NEGR1: variants seen among roughly 807,000 people sequenced by gnomAD.
The protein encoded by NEGR1 is neuronal growth regulator 1.
A neutral mutation model predicts 40.9 loss-of-function variants in NEGR1; 10 were observed. The observed-to-expected ratio is 0.24, with a 90% confidence interval of 0.15 to 0.42. The LOEUF (loss-of-function observed/expected upper bound fraction) is 0.42, where lower values mean the gene tolerates loss of function less well. NEGR1 is among the 10% of genes least tolerant of loss of function. NEGR1 has a pLI of 1.00. For synonymous variants in NEGR1, 185 were observed against 166.8 expected, an observed-to-expected ratio of 1.11 and a Z score of -0.84; for missense variants, 352 against 438.9, an observed-to-expected ratio of 0.80 and a Z score of 1.77.
At chr1:71,700,402 CACTAA>C (rs1299480070) in intron 3 of NEGR1, among the ~76,000 whole-genome samples, 1 of 151,926 alleles carries the variant, frequency 6.6e-6, no homozygotes, top group African/African-American at 2.4e-5. Flanking sequence ...TTACTTAGCT[CACTAA>C]ACTAAATTAA....
rs1473650298 is a variant in NEGR1, at chr1:71,402,696, T to A, written c.*4750A>T. 2.0e-5 allele frequency: 3 copies of A among 152,258 alleles called. No individual in the cohort carries two copies. Among genetic ancestry groups the A allele is most frequent in the Middle Eastern group, 3.4e-3 (1 of 294 alleles). 9.4% of individuals were successfully genotyped at this position (152,258 alleles called of 1,614,324 possible). On this transcript the variant is annotated 3_prime_UTR_variant, in exon 7 of 7. Coordinates refer to ENST00000357731, the MANE Select transcript of NEGR1 (RefSeq NM_173808.3). ...TTCCACTAACTTGAATGAATTACCT[T>A]GGAAAATTATCTCTACAAATTCTTA...
At chr1:71,452,805 C>CA (rs1372182056) in intron 6 of NEGR1, among the ~76,000 whole-genome samples, 1 of 22,734 alleles carries the variant, frequency 4.4e-5, no homozygotes, top group African/African-American at 7.4e-5. Flanking sequence ...AACAAAGAAA[C>CA]AAAAAAAAAC....
intron 6 of NEGR1, among the ~76,000 whole-genome samples, chr1:71,515,641 C>G (rs1440159292): frequency 1.1e-5 from 1 of 94,938 alleles, no homozygotes; most frequent in Non-Finnish European, 2.0e-5. Flanking sequence ...TAAAGACCAT[C>G]CAGACTAGGA....
intron 1 of NEGR1, among the ~76,000 whole-genome samples, chr1:72,201,741 T>C (rs1653220367): frequency 6.6e-6 from 1 of 151,890 alleles, no homozygotes; most frequent in Admixed American, 6.6e-5. Context: ...AGATGTCCTA[T>C]TTCATGTCTA....
intron 3 of NEGR1, among the ~76,000 whole-genome samples, chr1:71,744,756 T>G (rs540203623): frequency 6.6e-6 from 1 of 152,294 alleles, no homozygotes; most frequent in African/African-American, 2.4e-5. Flanking sequence ...AAGAAAAAAT[T>G]TCATCAATGC....
chr1:71,611,183 A>C (rs972008737), intron 4 of NEGR1, 37 bp from the exon 5 acceptor site: 1 of 1,582,154 alleles, frequency 6.3e-7, no homozygotes, highest in Admixed American at 1.7e-5. Flanking sequence ...CTAGTAGATA[A>C]GTAAAAATAA....
intron 2 of NEGR1, among the ~76,000 whole-genome samples, chr1:71,819,622 C>A (rs1158853896): frequency 6.6e-6 from 1 of 151,876 alleles, no homozygotes; most frequent in African/African-American, 2.4e-5. Context: ...AAAAGAGAAT[C>A]ATCTTGGGAA....
intron 5 of NEGR1, among the ~76,000 whole-genome samples, chr1:71,595,784 A>C (rs945456402): frequency 6.2e-4 from 94 of 152,134 alleles, no homozygotes; most frequent in Non-Finnish European, 1.1e-3. Flanking sequence ...TCTACCCTTA[A>C]TTACTGGATA....
chr1:71,396,028 A>T lies in NEGR1; in HGVS notation c.*11418T>A, dbSNP rs1354270900. The T allele has an allele frequency of 6.6e-6, 1 of 152,158 alleles. No individual in the cohort carries two copies. Among genetic ancestry groups the T allele is most frequent in the Non-Finnish European group, 1.5e-5 (1 of 68,030 alleles). 9.4% of individuals were successfully genotyped at this position (152,158 alleles called of 1,614,324 possible). A position where few individuals can be genotyped will look rare whatever the true frequency, so the allele number is the denominator to read the frequency against. On this transcript the variant is annotated 3_prime_UTR_variant, in exon 7 of 7. Coordinates refer to ENST00000357731, the MANE Select transcript of NEGR1 (RefSeq NM_173808.3). Reference sequence around the variant, plus strand: ...AAACTGAAGCCCCATTCCAGAGAAGACATTGCTTTTTATGATAGATCCAGG... The same window carrying T: ...AAACTGAAGCCCCATTCCAGAGAAGTCATTGCTTTTTATGATAGATCCAGG...
chr1:72,257,889 A>C (rs1655327058), intron 1 of NEGR1, among the ~76,000 whole-genome samples: 1 of 152,228 alleles, frequency 6.6e-6, no homozygotes, highest in African/African-American at 2.4e-5. Flanking sequence ...TAAATCTCTG[A>C]ACATTCTGTG....
intron 3 of NEGR1, among the ~76,000 whole-genome samples, chr1:71,749,937 C>T (rs1655510712): frequency 1.3e-5 from 2 of 151,984 alleles, no homozygotes; most frequent in Admixed American, 1.3e-4. Flanking sequence ...ATAAAAATGC[C>T]TCACAAAGCT....
chr1:72,060,002 G>A (rs1286150549), intron 1 of NEGR1, among the ~76,000 whole-genome samples: 1 of 151,574 alleles, frequency 6.6e-6, no homozygotes, highest in Non-Finnish European at 1.5e-5. Flanking sequence ...TGATTTAGAT[G>A]GAAACTCAGG....
chr1:71,958,072 T>C (rs912445856), intron 1 of NEGR1, among the ~76,000 whole-genome samples: 5 of 152,182 alleles, frequency 3.3e-5, no homozygotes, highest in East Asian at 3.8e-4. Flanking sequence ...CCCACATGAA[T>C]AGAGTTTCCA....
chr1:72,203,458 A>C (rs940283592), intron 1 of NEGR1, among the ~76,000 whole-genome samples: 5 of 152,104 alleles, frequency 3.3e-5, no homozygotes, highest in Non-Finnish European at 4.4e-5. Context: ...CTTATAATAA[A>C]ACTTGAATGA....
At chr1:71,986,480 A>C (rs1277465954) in intron 1 of NEGR1, among the ~76,000 whole-genome samples, 1 of 152,024 alleles carries the variant, frequency 6.6e-6, no homozygotes, top group Non-Finnish European at 1.5e-5. Context: ...CCCCTTCTAC[A>C]ACTATTCTGC....
In NEGR1 at chr1:71,935,318, A is replaced by G. The variant is rs1339146762; in HGVS notation, c.177-7T>C. 6 of 1,525,626 alleles carry G rather than the reference A, an allele frequency of 3.9e-6. No homozygotes were observed. The highest frequency in any genetic ancestry group is 4.5e-6 in the Non-Finnish European group (5 of 1,099,552). The allele number at this position is 1,525,626 out of a possible 1,614,324, so 94.5% of individuals were successfully genotyped here. A position where few individuals can be genotyped will look rare whatever the true frequency, so the allele number is the denominator to read the frequency against. ...TCCATCTTCCAAATAACACCTACAA[A>G]TTACAAGAGATACAACACTATTAAT... On this transcript the variant is annotated splice_polypyrimidine_tract_variant and splice_region_variant and intron_variant, in intron 1 of 6. Coordinates refer to ENST00000357731, the MANE Select transcript of NEGR1 (RefSeq NM_173808.3).
intron 2 of NEGR1, among the ~76,000 whole-genome samples, chr1:71,787,702 C>CT (rs1238076993): frequency 6.6e-6 from 1 of 152,092 alleles, no homozygotes; most frequent in Non-Finnish European, 1.5e-5. Flanking sequence ...ATATAAAAGT[C>CT]TACATGGTTT....
chr1:72,235,922 G>A (rs1654530313), intron 1 of NEGR1, among the ~76,000 whole-genome samples: 1 of 151,846 alleles, frequency 6.6e-6, no homozygotes, highest in Non-Finnish European at 1.5e-5. Context: ...TTAAAGTGAG[G>A]TAGTAAAACT....
At chr1:71,933,076 T>C (rs987246635) in intron 2 of NEGR1, among the ~76,000 whole-genome samples, 10 of 152,094 alleles carry the variant, frequency 6.6e-5, no homozygotes, top group Non-Finnish European at 1.3e-4. Context: ...AACAGTAACA[T>C]GGATTTTTCT....
Sources: allele counts gnomAD v4.1 joint callset (sites outside exome capture counted in the v4.1 genomes callset), GRCh38; gene constraint gnomAD v4.1.1; transcripts MANE v1.5; gene names NCBI Gene and HGNC (gene_info 2026-07-23, HGNC 2026-07-21).